The following NCOA2 variants were observed in gnomAD, a reference collection of about 807,000 sequenced individuals.
NCOA2 encodes the protein class E basic helix-loop-helix protein 75.
In NCOA2, 21 loss-of-function variants were observed where a neutral mutation model predicts 145.1. That is an observed-to-expected ratio of 0.14 (90% CI 0.10 to 0.21). The LOEUF (loss-of-function observed/expected upper bound fraction) is 0.21, where lower values mean the gene tolerates loss of function less well. Ranked by LOEUF, NCOA2 falls within the 10% of genes least tolerant of loss-of-function variation. The pLI is 1.00. For synonymous variants in NCOA2, 619 were observed against 637.5 expected (o/e 0.97, Z 0.44); for missense variants, 1,472 against 1,837.6 (o/e 0.80, Z 3.64).
At chr8:70,134,060 T>C (rs1210424197) in intron 15 of NCOA2, among the ~76,000 whole-genome samples, 1 of 152,150 alleles carries the variant, frequency 6.6e-6, no homozygotes, top group African/African-American at 2.4e-5. Flanking sequence ...TTTCTGCCCC[T>C]TTCTTGTCAC....
intron 4 of NCOA2, among the ~76,000 whole-genome samples, chr8:70,188,857 T>C (rs1187329032): frequency 6.6e-6 from 1 of 152,234 alleles, no homozygotes; most frequent in East Asian, 1.9e-4. Flanking sequence ...ATGAATTAAA[T>C]TTAGTTATAT....
rs746294036 is a variant in NCOA2 at position 70,162,796 on chromosome 8, C to G, written c.891G>C (p.Glu297Asp). Residue 297 changes from glutamate (E) to aspartate (D), a missense_variant, in exon 9 of 23, where the codon GAG becomes GAC. By Grantham distance (45) the Glu-to-Asp change is conservative. Around this residue, in one of 4 missense-constraint regions of NCOA2, gnomAD observed 284 missense variants for 467.8 expected, o/e 0.61. Transcript: ENST00000452400. ...TMRAAMKPGW[E>D]DLVRRCIQKF... is the part of the protein sequence containing the mutation. ...TCTGAATACACCTTCTTACCAGGTC[C>G]TCCCAGCCTGGTTTCATGGCTGCTC... The G allele has an allele frequency of 6.2e-7, 1 of 1,613,812 alleles. No homozygotes were observed. The highest frequency in any genetic ancestry group is 8.5e-7 in the Non-Finnish European group (1 of 1,179,812).
intron 4 of NCOA2, among the ~76,000 whole-genome samples, chr8:70,187,845 CAATTT>C (rs903973998): frequency 6.6e-6 from 1 of 152,182 alleles, no homozygotes; most frequent in Non-Finnish European, 1.5e-5. Flanking sequence ...CTTCTTCTTT[CAATTT>C]AATTATCCTA....
intron 2 of NCOA2, among the ~76,000 whole-genome samples, chr8:70,231,621 T>C (rs1041609472): frequency 6.6e-6 from 1 of 152,230 alleles, no homozygotes; most frequent in African/African-American, 2.4e-5. Context: ...GCTGGTGGAA[T>C]AACCTGCTGG....
chr8:70,331,640 A>C (rs1378676472), intron 1 of NCOA2, among the ~76,000 whole-genome samples: 2 of 152,128 alleles, frequency 1.3e-5, no homozygotes, highest in Non-Finnish European at 2.9e-5. Context: ...TAAACTGCAT[A>C]CGACCAGAGA....
At chr8:70,451,745 A>G in the NCOA2 span, among the ~76,000 whole-genome samples, 4 of 152,318 alleles carry the variant, frequency 2.6e-5, no homozygotes, top group East Asian at 7.7e-4. Context: ...GATCCTCCAC[A>G]GGTAGGTTGA....
intron 2 of NCOA2, among the ~76,000 whole-genome samples, chr8:70,254,751 G>A (rs549262549): frequency 3.3e-5 from 5 of 152,176 alleles, no homozygotes; most frequent in South Asian, 2.1e-4. Context: ...AGTGTTTAAC[G>A]GGTAAAGGAA....
At chr8:70,213,773 A>T in intron 4 of NCOA2, 130 bp downstream of exon 4, 2 of 776,072 alleles carry the variant, frequency 2.6e-6, no homozygotes, top group Non-Finnish European at 4.0e-6. Context: ...TTCATCTTAC[A>T]CTGTGACATC....
At chr8:70,181,991 T>C (rs1256994307) in intron 4 of NCOA2, among the ~76,000 whole-genome samples, 1 of 152,184 alleles carries the variant, frequency 6.6e-6, no homozygotes, top group Non-Finnish European at 1.5e-5. Context: ...AATGAGAGAA[T>C]TATGCATCTG....
intron 1 of NCOA2, among the ~76,000 whole-genome samples, chr8:70,394,324 T>C (rs1212271615): frequency 2.0e-5 from 3 of 152,144 alleles, no homozygotes; most frequent in Non-Finnish European, 4.4e-5. Flanking sequence ...CCCGGCTAAT[T>C]TTGTATTTTT....
intron 1 of NCOA2, among the ~76,000 whole-genome samples, chr8:70,388,627 G>A (rs1000401907): frequency 1.6e-4 from 24 of 152,092 alleles, no homozygotes; most frequent in African/African-American, 5.3e-4. Context: ...TTGTATACTA[G>A]TGTCTGCAAT....
chr8:70,308,221 A>G (rs557604553), intron 1 of NCOA2, among the ~76,000 whole-genome samples: 43 of 152,346 alleles, frequency 2.8e-4, no homozygotes, highest in Middle Eastern at 3.4e-3. Flanking sequence ...ATTATAGATT[A>G]TGAGCTTACT....
chr8:70,326,298 T>C (rs1402428818), intron 1 of NCOA2, among the ~76,000 whole-genome samples: 2 of 152,188 alleles, frequency 1.3e-5, no homozygotes, highest in Non-Finnish European at 2.9e-5. Context: ...ACATATGCTC[T>C]TACCTTTATT....
intron 1 of NCOA2, among the ~76,000 whole-genome samples, chr8:70,298,757 C>T (rs532862697): frequency 5.9e-5 from 9 of 152,246 alleles, no homozygotes; most frequent in African/African-American, 2.2e-4. Context: ...AGTGTCAATG[C>T]ACCCATGCTA....
At chr8:70,421,016 A>G in the NCOA2 span, among the ~76,000 whole-genome samples, 2 of 152,172 alleles carry the variant, frequency 1.3e-5, no homozygotes, top group African/African-American at 2.4e-5. Flanking sequence ...CTAAAGAGGT[A>G]AACTTTGAAA....
chr8:70,137,673 G>T (rs1157831172), intron 15 of NCOA2, among the ~76,000 whole-genome samples: 2 of 152,192 alleles, frequency 1.3e-5, no homozygotes, highest in Non-Finnish European at 2.9e-5. Context: ...CTATCTACCT[G>T]GGGCATGCTT....
At chr8:70,207,085 C>G (rs1818516893) in intron 4 of NCOA2, among the ~76,000 whole-genome samples, 1 of 152,208 alleles carries the variant, frequency 6.6e-6, no homozygotes, top group Admixed American at 6.5e-5. Flanking sequence ...CTGGATTTCC[C>G]CTGGCAAATA....
At chr8:70,172,293 T>G (rs1196768076) in intron 5 of NCOA2, among the ~76,000 whole-genome samples, 2 of 152,238 alleles carry the variant, frequency 1.3e-5, no homozygotes, top group Non-Finnish European at 2.9e-5. Flanking sequence ...GAATGTCACA[T>G]GTATACACAT....
intron 2 of NCOA2, among the ~76,000 whole-genome samples, chr8:70,217,336 T>TC (rs954211418): frequency 1.1e-4 from 16 of 152,142 alleles, no homozygotes; most frequent in African/African-American, 3.9e-4. Flanking sequence ...TAGTGGGGGA[T>TC]CTTCCTGGCC....
Sources: gnomAD v4.1 joint callset for allele counts (sites outside exome capture counted in the v4.1 genomes callset) on GRCh38, gnomAD v4.1.1 for gene constraint, gnomAD v4.1.1 regional missense constraint, MANE v1.5 for transcripts, NCBI Gene and HGNC (gene_info 2026-07-23, HGNC 2026-07-21) for gene names.